The following CHSY3 variants were observed in gnomAD, a reference collection of about 807,000 sequenced individuals.
The protein encoded by CHSY3 is N-acetylgalactosaminyl-proteoglycan 3-beta-glucuronosyltransferase 3.
Under a neutral mutation model 67.2 loss-of-function variants are expected in CHSY3, and 35 were observed. The observed-to-expected ratio is 0.52, with a 90% CI of 0.40 to 0.69. CHSY3 has a LOEUF of 0.69. Among genes scored for constraint, CHSY3 ranks in the 30% least tolerant of loss-of-function variants. CHSY3 has a pLI of 0.00. For missense variants in CHSY3, 1,069 were observed against 1,138.5 expected (o/e 0.94, Z 0.88); for synonymous variants, 474 against 434.7 (o/e 1.09, Z -1.12).
At chr5:129,934,040 A>G (rs1174611957) in intron 2 of CHSY3, among the ~76,000 whole-genome samples, 1 of 152,126 alleles carries the variant, frequency 6.6e-6, no homozygotes, top group Non-Finnish European at 1.5e-5. Context: ...TCCTAAGGAA[A>G]CTAGAGATGA....
chr5:130,088,036 T>C (rs1172468337), intron 2 of CHSY3, among the ~76,000 whole-genome samples: 11 of 152,040 alleles, frequency 7.2e-5, no homozygotes, highest in Admixed American at 2.6e-4. Flanking sequence ...ATCAATGGAA[T>C]AGAACAGAGC....
At chr5:129,984,575 T>A (rs1763118102) in intron 2 of CHSY3, among the ~76,000 whole-genome samples, 1 of 152,146 alleles carries the variant, frequency 6.6e-6, no homozygotes, top group Non-Finnish European at 1.5e-5. Flanking sequence ...GTTAATTCTA[T>A]TTTAAGTTCT....
At chr5:130,068,552 C>T (rs1409429414) in intron 2 of CHSY3, among the ~76,000 whole-genome samples, 1 of 152,168 alleles carries the variant, frequency 6.6e-6, no homozygotes, top group Non-Finnish European at 1.5e-5. Flanking sequence ...ATTCACTTAA[C>T]ATCCTGAGTG....
rs764781525 is a variant in CHSY3, at chr5:130,185,536, C to T, written c.2394C>T (p.Thr798=). ...TTCTAGGTGCAGGTGGATTTGATAC[C>T]TCAATACAAGGCTGGGGACTAGAAG... ...SDLLGAGGFD[T]SIQGWGLEDV... The change falls in exon 3 of 3, where the codon ACC becomes ACT. Residue 798 remains threonine (T), a synonymous_variant. Coordinates refer to ENST00000305031, the MANE Select transcript of CHSY3 (RefSeq NM_175856.5). The T allele has an allele frequency of 6.2e-6, 10 of 1,614,076 alleles. No individual in the cohort carries two copies. The East Asian group carries it at 1.8e-4, about 29-fold the overall frequency.
intron 2 of CHSY3, among the ~76,000 whole-genome samples, chr5:130,144,038 G>A (rs1465949778): frequency 6.6e-6 from 1 of 150,792 alleles, no homozygotes; most frequent in Non-Finnish European, 1.5e-5. Flanking sequence ...AATCTAGGGT[G>A]TCTAGAGATT....
intron 2 of CHSY3, among the ~76,000 whole-genome samples, chr5:129,930,332 CAAAA>C (rs57461404): frequency 1.3e-5 from 1 of 74,258 alleles, no homozygotes. Flanking sequence ...GACTCTATCT[CAAAA>C]AAAAAAAAAA....
At chr5:130,164,782 C>T (rs1769685277) in intron 2 of CHSY3, among the ~76,000 whole-genome samples, 1 of 151,960 alleles carries the variant, frequency 6.6e-6, no homozygotes, top group African/African-American at 2.4e-5. Flanking sequence ...GTATCTAGAT[C>T]AATAAACAAA....
chr5:130,036,060 CACTG>C (rs974492232), intron 2 of CHSY3, among the ~76,000 whole-genome samples: 7 of 152,070 alleles, frequency 4.6e-5, no homozygotes, highest in African/African-American at 1.7e-4. Flanking sequence ...GTTCCGGATG[CACTG>C]ACTGTCTCAA....
At chr5:130,094,744 A>T (rs899832381) in intron 2 of CHSY3, among the ~76,000 whole-genome samples, 1 of 152,176 alleles carries the variant, frequency 6.6e-6, no homozygotes, top group Non-Finnish European at 1.5e-5. Context: ...AATCTTAACT[A>T]TATTACACAG....
intron 2 of CHSY3, among the ~76,000 whole-genome samples, chr5:130,153,908 T>TTTG (rs1769299487): frequency 1.3e-5 from 2 of 150,140 alleles, no homozygotes; most frequent in African/African-American, 5.0e-5. Flanking sequence ...TTCTGGCTGT[T>TTTG]TTTGTTTGTT....
At chr5:129,907,751 T>C (rs760268873) in intron 1 of CHSY3, among the ~76,000 whole-genome samples, 16 of 152,176 alleles carry the variant, frequency 1.1e-4, no homozygotes, top group Non-Finnish European at 2.2e-4. Flanking sequence ...TCCTGGGAAC[T>C]TCTTGTTACT....
chr5:130,109,233 T>A (rs1282294571), intron 2 of CHSY3, among the ~76,000 whole-genome samples: 1 of 151,752 alleles, frequency 6.6e-6, no homozygotes, highest in Non-Finnish European at 1.5e-5. Flanking sequence ...GCTTACAAAA[T>A]TGCCTCTTTA....
chr5:130,079,787 G>A (rs1312354192), intron 2 of CHSY3, among the ~76,000 whole-genome samples: 3 of 152,080 alleles, frequency 2.0e-5, no homozygotes, highest in African/African-American at 7.2e-5. Flanking sequence ...AGTTTTATAT[G>A]TGCAGCAATT....
chr5:130,143,596 A>G (rs114463701), intron 2 of CHSY3, among the ~76,000 whole-genome samples: 3,278 of 151,164 alleles, frequency 0.022, 122 homozygotes, highest in African/African-American at 0.074. Context: ...GGTTATTGCT[A>G]CTATTGGGGC....
At chr5:130,011,170 A>G (rs1360480164) in intron 2 of CHSY3, among the ~76,000 whole-genome samples, 2 of 152,172 alleles carry the variant, frequency 1.3e-5, no homozygotes, top group African/African-American at 4.8e-5. Context: ...AAACCAAACA[A>G]AAAAAGAAAA....
At chr5:130,054,423 T>A (rs1765461569) in intron 2 of CHSY3, among the ~76,000 whole-genome samples, 1 of 152,210 alleles carries the variant, frequency 6.6e-6, no homozygotes, top group African/African-American at 2.4e-5. Context: ...GTCTATATGC[T>A]CATCTTTAGA....
intron 2 of CHSY3, among the ~76,000 whole-genome samples, chr5:129,951,542 A>G (rs1351814552): frequency 2.0e-5 from 3 of 152,220 alleles, no homozygotes; most frequent in Admixed American, 2.0e-4. Flanking sequence ...AATAATGTAT[A>G]TCAATATGAG....
intron 2 of CHSY3, among the ~76,000 whole-genome samples, chr5:130,177,003 A>G (rs962293258): frequency 1.3e-5 from 2 of 152,022 alleles, no homozygotes; most frequent in African/African-American, 4.8e-5. Context: ...GAATTTAAAT[A>G]CTTGTTATTT....
chr5:130,074,715 C>T (rs1580707828), intron 2 of CHSY3, among the ~76,000 whole-genome samples: 1 of 152,110 alleles, frequency 6.6e-6, no homozygotes, highest in Non-Finnish European at 1.5e-5. Flanking sequence ...TAAGACTGTT[C>T]ATTCCTTCAG....
Sources: allele counts gnomAD v4.1 joint callset (sites outside exome capture counted in the v4.1 genomes callset), GRCh38; gene constraint gnomAD v4.1.1; transcripts MANE v1.5; gene names NCBI Gene and HGNC (gene_info 2026-07-23, HGNC 2026-07-21).